MKLN1: variants seen among roughly 807,000 people sequenced by gnomAD.
The protein encoded by MKLN1 is muskelin.
Under a neutral mutation model 99.0 loss-of-function variants are expected in MKLN1, and 18 were observed. That is an observed-to-expected ratio of 0.18 (90% CI 0.13 to 0.27). The LOEUF is 0.27. Among genes scored for constraint, MKLN1 ranks in the 10% least tolerant of loss-of-function variants. MKLN1 has a pLI of 1.00. For missense variants in MKLN1, 621 were observed against 875.9 expected (o/e 0.71, Z 3.67); for synonymous variants, 288 against 293.2 (o/e 0.98, Z 0.18).
chr7:131,420,398 A>C (rs568788416), intron 8 of MKLN1, among the ~76,000 whole-genome samples: 1 of 152,296 alleles, frequency 6.6e-6, no homozygotes, highest in Non-Finnish European at 1.5e-5. Context: ...TGAGAAAAAG[A>C]AGCTAAGGAT....
rs564406434 is a variant in MKLN1 at position 131,360,168 on chromosome 7, A to G, written c.99-15256A>G. Reference sequence around the variant, plus strand: ...ATGGTATGTCTTTTTCCATTTCTTTATATTCACCTATTTGTATCTTTATGG... The same window carrying G: ...ATGGTATGTCTTTTTCCATTTCTTTGTATTCACCTATTTGTATCTTTATGG... On this transcript the variant is annotated intron_variant, in intron 1 of 17. Coordinates refer to ENST00000352689, the MANE Select transcript of MKLN1 (RefSeq NM_013255.5). 3.9e-5 allele frequency among the ~76,000 whole-genome samples: 6 copies of G among 152,262 alleles called. No homozygotes were observed. The East Asian group carries it at 1.2e-3, about 29-fold the overall frequency.
At chr7:131,286,017 G>A (rs566770070) in intron 3 of MKLN1, among the ~76,000 whole-genome samples, 158 of 150,472 alleles carry the variant, frequency 1.1e-3, no homozygotes, top group Non-Finnish European at 1.6e-3. Context: ...GTGCAGTGGC[G>A]CCGTCTCACT....
intron 2 of MKLN1, among the ~76,000 whole-genome samples, chr7:131,175,601 A>G (rs1264219315): frequency 2.6e-5 from 4 of 152,200 alleles, no homozygotes; most frequent in Non-Finnish European, 5.9e-5. Flanking sequence ...TTGAGATTAA[A>G]CATACAAAAA....
At position 131,487,688 on chromosome 7, in the gene MKLN1, C is replaced by T. The variant is rs1797321015; in HGVS notation, c.2168C>T (p.Thr723Ile). ...TLVNFFPDSM[T>I]PPKGNLVDLI... ...GTAAATTTCTTTCCTGACAGCATGA[C>T]TCCTCCTAAAGGCAACCTGGTAGAC... is the stretch of plus-strand genomic sequence containing the variant. Residue 723 changes from threonine to isoleucine, a missense_variant, in exon 18 of 18, where the codon ACT becomes ATT. This residue lies in a region of MKLN1 where 126 missense variants were observed against 157.4 expected (regional missense o/e 0.80). Coordinates refer to ENST00000352689, the MANE Select transcript of MKLN1 (RefSeq NM_013255.5). This position sits in a 1 kb window ranked among gnomAD's most constrained non-coding sequence, Gnocchi z 4.7. 1.2e-6 allele frequency: 2 copies of T among 1,613,152 alleles called. No individual in the cohort carries two copies. The highest frequency in any genetic ancestry group is 1.7e-6 in the Non-Finnish European group (2 of 1,179,362).
chr7:131,185,246 T>C (rs1321895408), intron 2 of MKLN1, among the ~76,000 whole-genome samples: 3 of 152,074 alleles, frequency 2.0e-5, no homozygotes, highest in Admixed American at 6.6e-5. Flanking sequence ...CTGGTACCAC[T>C]GGACAACCTA....
At chr7:131,145,246 G>A (rs1795800776) in intron 2 of MKLN1, among the ~76,000 whole-genome samples, 1 of 152,096 alleles carries the variant, frequency 6.6e-6, no homozygotes, top group Admixed American at 6.5e-5. Flanking sequence ...ACAATATAGA[G>A]TTTAATGTGT....
chr7:131,356,860 A>G (rs536655678), intron 1 of MKLN1, among the ~76,000 whole-genome samples: 1 of 152,270 alleles, frequency 6.6e-6, no homozygotes, highest in Non-Finnish European at 1.5e-5. Context: ...TTGCCTCCTC[A>G]GGAGAATTCG....
At chr7:131,125,512 T>C (rs1795439764) in intron 1 of MKLN1, among the ~76,000 whole-genome samples, 1 of 151,224 alleles carries the variant, frequency 6.6e-6, no homozygotes, top group South Asian at 2.1e-4. Context: ...GCAAGAGGAG[T>C]CATATGATTG....
chr7:131,410,334 G>T (rs1309263945), intron 6 of MKLN1, among the ~76,000 whole-genome samples: 2 of 151,992 alleles, frequency 1.3e-5, no homozygotes, highest in Non-Finnish European at 2.9e-5. Flanking sequence ...CAAATTTCTG[G>T]ATTTATAAAA....
At chr7:131,249,109 A>G (rs1797539106) in intron 3 of MKLN1, among the ~76,000 whole-genome samples, 1 of 152,172 alleles carries the variant, frequency 6.6e-6, no homozygotes, top group Non-Finnish European at 1.5e-5. Context: ...GAAGTTACAC[A>G]ACCAGTGAGA....
chr7:131,368,604 T>G (rs1369722691), intron 1 of MKLN1, among the ~76,000 whole-genome samples: 1 of 152,088 alleles, frequency 6.6e-6, no homozygotes, highest in Non-Finnish European at 1.5e-5. Flanking sequence ...TCAGATCTTG[T>G]GAGAAGTCAC....
intron 8 of MKLN1, among the ~76,000 whole-genome samples, chr7:131,420,564 T>G (rs1012101637): frequency 6.6e-6 from 1 of 152,206 alleles, no homozygotes; most frequent in Non-Finnish European, 1.5e-5. Context: ...TCTACATAGG[T>G]ATGTCAAGTA....
upstream of MKLN1, among the ~76,000 whole-genome samples, chr7:131,325,719 A>C (rs1798871685): frequency 6.6e-6 from 1 of 152,010 alleles, no homozygotes; most frequent in Non-Finnish European, 1.5e-5. Flanking sequence ...AAAAAACCAA[A>C]AAAATTTCCA....
chr7:131,430,086 C>G (rs1027742068), intron 9 of MKLN1, among the ~76,000 whole-genome samples: 1 of 152,102 alleles, frequency 6.6e-6, no homozygotes, highest in Non-Finnish European at 1.5e-5. Flanking sequence ...ATTGCACTCT[C>G]CATTTAAACT....
At chr7:131,251,321 C>G (rs1432918889) in intron 3 of MKLN1, among the ~76,000 whole-genome samples, 2 of 152,190 alleles carry the variant, frequency 1.3e-5, no homozygotes, top group Non-Finnish European at 2.9e-5. Flanking sequence ...ACAACACTGC[C>G]TACCGGGCAG....
chr7:131,137,925 C>CTT (rs58860730), intron 1 of MKLN1, among the ~76,000 whole-genome samples: 1,947 of 118,720 alleles, frequency 0.016, 39 homozygotes, highest in Non-Finnish European at 0.026. Context: ...TCTTTCTTTA[C>CTT]TTTTTTTTTT....
chr7:131,359,323 G>C (rs1368689575), intron 1 of MKLN1, among the ~76,000 whole-genome samples: 4 of 152,178 alleles, frequency 2.6e-5, no homozygotes, highest in African/African-American at 9.7e-5. Context: ...CCAGCTATCT[G>C]TGAATGACTT....
chr7:131,460,362 G>A (rs1796479760), intron 12 of MKLN1, among the ~76,000 whole-genome samples: 1 of 152,180 alleles, frequency 6.6e-6, no homozygotes, highest in African/African-American at 2.4e-5. Flanking sequence ...TTCTTTTACA[G>A]TGTGTAGGTC....
intron 1 of MKLN1, among the ~76,000 whole-genome samples, chr7:131,364,790 T>G (rs923807676): frequency 2.0e-5 from 3 of 151,872 alleles, no homozygotes; most frequent in African/African-American, 7.3e-5. Flanking sequence ...AATGATCTCG[T>G]TTTTTTTATG....
Sources: allele counts gnomAD v4.1 joint callset (sites outside exome capture counted in the v4.1 genomes callset), GRCh38; gene constraint gnomAD v4.1.1; regional missense constraint gnomAD v4.1.1; non-coding constraint Gnocchi (gnomAD v3.1); transcripts MANE v1.5; gene names NCBI Gene and HGNC (gene_info 2026-07-23, HGNC 2026-07-21).